The following CSPP1 variants were observed in gnomAD, a reference collection of about 807,000 sequenced individuals.
The protein encoded by CSPP1 is centrosome and spindle pole associated protein 1.
In CSPP1, 126 loss-of-function variants were observed where a neutral mutation model predicts 164.4. The observed-to-expected ratio is 0.77, with a 90% CI of 0.66 to 0.89. The LOEUF (loss-of-function observed/expected upper bound fraction) is 0.89, where lower values mean the gene tolerates loss of function less well. Ranked by LOEUF, CSPP1 falls within the 40% of genes least tolerant of loss-of-function variation. CSPP1 has a pLI of 0.00. For missense variants in CSPP1, 1,395 were observed against 1,449.8 expected, an observed-to-expected ratio of 0.96 and a Z score of 0.61; for synonymous variants, 472 against 476.7, an observed-to-expected ratio of 0.99 and a Z score of 0.13.
At chr8:67,129,953 G>A (rs11997404) in intron 15 of CSPP1, among the ~76,000 whole-genome samples, 18,739 of 152,170 alleles carry the variant, frequency 0.12, 2,260 homozygotes, top group African/African-American at 0.31. Context: ...ATTTACTAAA[G>A]ATCATTTAAT....
intron 17 of CSPP1, among the ~76,000 whole-genome samples, chr8:67,143,415 AAAT>A (rs777855896): frequency 3.9e-4 from 60 of 152,176 alleles, no homozygotes; most frequent in South Asian, 8.3e-4. Flanking sequence ...TATAGTAAGT[AAAT>A]AATGTTATAG....
intron 15 of CSPP1, among the ~76,000 whole-genome samples, chr8:67,120,999 G>A (rs539342732): frequency 3.3e-5 from 5 of 151,884 alleles, no homozygotes; most frequent in Admixed American, 1.3e-4. Flanking sequence ...GATTAAAGGC[G>A]TGCACCACTA....
intron 7 of CSPP1, among the ~76,000 whole-genome samples, chr8:67,100,802 TATAA>T (rs1483556952): frequency 6.9e-6 from 1 of 145,522 alleles, no homozygotes; most frequent in African/African-American, 2.6e-5. Flanking sequence ...TATATATATA[TATAA>T]ATAAAGATTA....
intron 15 of CSPP1, among the ~76,000 whole-genome samples, chr8:67,129,763 G>T (rs1820833892): frequency 6.6e-6 from 1 of 152,076 alleles, no homozygotes; most frequent in Admixed American, 6.6e-5. Context: ...ATACTATATT[G>T]GTCCCATTTA....
intron 5 of CSPP1, 77 bp from the exon 6 acceptor site, chr8:67,093,466 A>T (rs1427892342): frequency 1.2e-6 from 1 of 811,948 alleles, no homozygotes; most frequent in Non-Finnish European, 2.1e-6. Flanking sequence ...TTCAGATTTG[A>T]CATTCTGATA....
At chr8:67,194,026 C>A (rs1360885172) in intron 30 of CSPP1, among the ~76,000 whole-genome samples, 1 of 152,052 alleles carries the variant, frequency 6.6e-6, no homozygotes, top group Non-Finnish European at 1.5e-5. Flanking sequence ...TGGCTTTCCA[C>A]ACCATGGACA....
At chr8:67,149,608 T>C (rs1825298386) in intron 17 of CSPP1, among the ~76,000 whole-genome samples, 175 bp from the exon 18 acceptor site, 1 of 152,224 alleles carries the variant, frequency 6.6e-6, no homozygotes, top group Non-Finnish European at 1.5e-5. Flanking sequence ...TTTTTGAAAA[T>C]CTTAAAAGTT....
rs1812081433 is a variant in CSPP1, at chr8:67,093,620, G to A, written c.462G>A (p.Arg154=). ...AGGAAGAATCCAGTGAAAAGTTCAG[G>A]CAGGTGGAAAAGAGTACTGAGGTAG... ...RGKEESSEKF[R]QVEKSTEPKS... The change falls in exon 6 of 31, where the codon AGG becomes AGA. Residue 154 remains arginine, a synonymous_variant. Transcript: ENST00000678616. 1.2e-6 allele frequency: 2 copies of A among 1,609,384 alleles called. No individual in the cohort carries two copies. Among genetic ancestry groups the A allele is most frequent in the Non-Finnish European group, 1.7e-6 (2 of 1,176,270 alleles).
intron 1 of CSPP1, among the ~76,000 whole-genome samples, chr8:67,070,228 C>T (rs926126380): frequency 6.6e-6 from 1 of 151,346 alleles, no homozygotes; most frequent in Non-Finnish European, 1.5e-5. Flanking sequence ...TTTGGGAGGC[C>T]GAGGCAGGCG....
In CSPP1 at chr8:67,172,453, G is replaced by T. The variant is rs745710780; in HGVS notation, c.2866G>T (p.Ala956Ser). The T allele has an allele frequency of 2.5e-6, 4 of 1,612,968 alleles. No homozygotes were observed. The highest frequency in any genetic ancestry group is 3.4e-6 in the Non-Finnish European group (4 of 1,179,174). Residue 956 changes from alanine to serine, a missense_variant, in exon 25 of 31, where the codon GCT (alanine) becomes TCT (serine). By Grantham distance (99) the Ala-to-Ser change is moderately conservative. Transcript: ENST00000678616. ...GAATCCCATGGATATATTTGATATG[G>T]CTAGACATCGGTTGCAAGCTCCTGT... ...ERNPMDIFDM[A>S]RHRLQAPVRR...
rs748419882 is a variant in CSPP1 at position 67,159,904 on chromosome 8, CTTT to C, written c.2538+768_2538+770del. 3.1e-3 allele frequency among the ~76,000 whole-genome samples: 204 copies of C among 66,842 alleles called. 1 individual carries two copies. Among genetic ancestry groups the C allele is most frequent in the East Asian group, 5.9e-3 (15 of 2,556 alleles). 43.9% of individuals were successfully genotyped at this position (66,842 alleles called of 152,430 possible). A position where few individuals can be genotyped will look rare whatever the true frequency, so the allele number is the denominator to read the frequency against. ...TCTTTCTTTCTTTCTTTCTTTCTTT[CTTT>C]CTTTCTTTCTTTCTTTCCTTTCCTT... On this transcript the variant is annotated intron_variant, in intron 21 of 30. Transcript: ENST00000678616.
In CSPP1 at chr8:67,096,130, G is replaced by A. The variant is rs188653175; in HGVS notation, c.923+398G>A. ...TAGTAATGATTCAAGTTCACAGTCC[G>A]AATTCATACTGCCAGTAGCGTCCAA... On this transcript the variant is annotated intron_variant, in intron 7 of 30. Coordinates refer to ENST00000678616, the MANE Select transcript of CSPP1 (RefSeq NM_001382391.1). Among the ~76,000 whole-genome samples the A allele has an allele frequency of 8.1e-4, 123 of 152,310 alleles. 1 individual carries two copies. Among genetic ancestry groups the A allele is most frequent in the Middle Eastern group, 3.4e-3 (1 of 294 alleles).
chr8:67,171,723 T>G (rs959773509), intron 24 of CSPP1, among the ~76,000 whole-genome samples: 1 of 151,904 alleles, frequency 6.6e-6, no homozygotes, highest in Admixed American at 6.6e-5. Context: ...AATATTTGTA[T>G]TTTTAGTAGA....
intron 15 of CSPP1, among the ~76,000 whole-genome samples, chr8:67,129,827 T>C (rs1303067841): frequency 1.3e-5 from 2 of 152,216 alleles, no homozygotes; most frequent in African/African-American, 4.8e-5. Context: ...ACTTACTTAA[T>C]AATTACCTGG....
intron 19 of CSPP1, 33 bp from the exon 20 acceptor site, chr8:67,158,414 T>G (rs745857873): frequency 1.3e-6 from 2 of 1,530,800 alleles, no homozygotes; most frequent in South Asian, 2.5e-5. Context: ...TTCAATAGTT[T>G]TACAAGATAA....
intron 1 of CSPP1, among the ~76,000 whole-genome samples, chr8:67,073,737 G>A (rs984359061): frequency 1.3e-5 from 2 of 152,138 alleles, no homozygotes; most frequent in Non-Finnish European, 1.5e-5. Flanking sequence ...TTTATTCTCT[G>A]AATAATTTTA....
At chr8:67,131,513 C>T (rs1298491661) in intron 15 of CSPP1, among the ~76,000 whole-genome samples, 1 of 152,146 alleles carries the variant, frequency 6.6e-6, no homozygotes, top group African/African-American at 2.4e-5. Flanking sequence ...GACAGTCAGA[C>T]TTTTTCCTGT....
Position 67,164,479 on chromosome 8 carries a change from C to T in CSPP1, c.2799C>T (p.His933=), listed in dbSNP as rs915367355. The T allele has an allele frequency of 6.3e-7, 1 of 1,583,836 alleles. No individual in the cohort carries two copies. The highest frequency in any genetic ancestry group is 1.3e-5 in the African/African-American group (1 of 74,486). The change falls in exon 24 of 31, where the codon CAC becomes CAT. Residue 933 remains histidine, a synonymous_variant. Transcript: ENST00000678616. ...EERRLQERLL[H]MDSDDEIPIR... ...GGCGTCTACAAGAGCGATTGCTACA[C>T]ATGGACAGTGATGATGAAATTCCTA... is the stretch of plus-strand genomic sequence containing the variant.
At chr8:67,182,436 C>T (rs1320121341) in intron 28 of CSPP1, among the ~76,000 whole-genome samples, 1 of 152,140 alleles carries the variant, frequency 6.6e-6, no homozygotes, top group Non-Finnish European at 1.5e-5. Flanking sequence ...GTGAATAATG[C>T]TCCTATGAAT....
Sources: gnomAD v4.1 joint callset for allele counts (sites outside exome capture counted in the v4.1 genomes callset) on GRCh38, gnomAD v4.1.1 for gene constraint, MANE v1.5 for transcripts, NCBI Gene and HGNC (gene_info 2026-07-23, HGNC 2026-07-21) for gene names.